BACH2: variants seen among roughly 807,000 people sequenced by gnomAD.
The protein encoded by BACH2 is transcription regulator protein BACH2.
BACH2 carries 5 observed loss-of-function variants against 61.8 expected under a neutral mutation model. That is an observed-to-expected ratio of 0.08 (90% CI 0.04 to 0.17). The LOEUF is 0.17. BACH2 is among the 10% of genes least tolerant of loss of function. The pLI is 1.00. For missense variants in BACH2, 824 were observed against 1,091.1 expected (o/e 0.76, Z 3.45); for synonymous variants, 446 against 440.1 (o/e 1.01, Z -0.17).
At chr6:90,024,096 C>T (rs776080850) in intron 5 of BACH2, among the ~76,000 whole-genome samples, 1 of 152,060 alleles carries the variant, frequency 6.6e-6, no homozygotes, top group Non-Finnish European at 1.5e-5. Context: ...TAAACATATT[C>T]CCACTTTAAG....
chr6:90,119,645 T>G (rs772335274), intron 4 of BACH2, among the ~76,000 whole-genome samples: 9 of 152,178 alleles, frequency 5.9e-5, no homozygotes, highest in Non-Finnish European at 8.8e-5. Flanking sequence ...CAGAATTTAA[T>G]ATTACCCAGT....
At chr6:90,134,519 G>C (rs1490830634) in intron 4 of BACH2, among the ~76,000 whole-genome samples, 6 of 152,200 alleles carry the variant, frequency 3.9e-5, no homozygotes, top group South Asian at 2.1e-4. Context: ...GCACCTGGTA[G>C]AGCTGGAATC....
chr6:90,235,375 G>T (rs1478204817), intron 3 of BACH2, among the ~76,000 whole-genome samples: 1 of 152,170 alleles, frequency 6.6e-6, no homozygotes, highest in Non-Finnish European at 1.5e-5. Context: ...ACATCACAGG[G>T]TTGTGAAGAT....
At chr6:89,984,212 G>C (rs1439711031) in intron 6 of BACH2, among the ~76,000 whole-genome samples, 1 of 152,026 alleles carries the variant, frequency 6.6e-6, no homozygotes, top group Non-Finnish European at 1.5e-5. Context: ...TTCTGTAGGA[G>C]AATATCTACA....
At chr6:90,295,288 A>T (rs1396157157) in intron 1 of BACH2, among the ~76,000 whole-genome samples, 1 of 152,020 alleles carries the variant, frequency 6.6e-6, no homozygotes, top group Non-Finnish European at 1.5e-5. Context: ...AAACTCGCCT[A>T]CGCGCGGGAG....
chr6:90,257,652 T>A (rs1771021966), intron 2 of BACH2, among the ~76,000 whole-genome samples: 1 of 152,224 alleles, frequency 6.6e-6, no homozygotes, highest in African/African-American at 2.4e-5. Flanking sequence ...TTACAATATA[T>A]CTGATGTACA....
At chr6:90,011,210 G>C (rs1014801216) in intron 5 of BACH2, among the ~76,000 whole-genome samples, 2 of 152,060 alleles carry the variant, frequency 1.3e-5, no homozygotes, top group African/African-American at 4.8e-5. Context: ...GGCCCATTTT[G>C]AGTTAATTTT....
intron 4 of BACH2, among the ~76,000 whole-genome samples, chr6:90,199,761 G>C (rs533074266): frequency 1.3e-5 from 2 of 152,102 alleles, no homozygotes; most frequent in African/African-American, 4.8e-5. Flanking sequence ...TTTCTTTTTG[G>C]CTTCACAAAC....
chr6:90,118,696 T>C (rs983884682), intron 4 of BACH2, among the ~76,000 whole-genome samples: 6 of 152,174 alleles, frequency 3.9e-5, no homozygotes, highest in African/African-American at 9.7e-5. Context: ...TTAAGAAAAG[T>C]TGACCATATT....
At chr6:90,196,071 T>C (rs888480751) in intron 4 of BACH2, among the ~76,000 whole-genome samples, 6 of 151,552 alleles carry the variant, frequency 4.0e-5, no homozygotes, top group African/African-American at 1.2e-4. Context: ...CCCAAGATCA[T>C]GAAGGTAGCG....
At chr6:90,296,105 A>G (rs1772365270) in intron 1 of BACH2, among the ~76,000 whole-genome samples, 1 of 151,874 alleles carries the variant, frequency 6.6e-6, no homozygotes, top group East Asian at 2.0e-4. Context: ...GCTCGCGCGG[A>G]CGCGCGCCTC....
intron 5 of BACH2, among the ~76,000 whole-genome samples, chr6:90,053,136 T>G (rs926350417): frequency 1.3e-5 from 2 of 152,208 alleles, no homozygotes; most frequent in Non-Finnish European, 2.9e-5. Context: ...ATTATCTCCT[T>G]CCTCATATAT....
Position 90,248,399 on chromosome 6 carries a change from C to T in BACH2, c.-275+4114G>A, listed in dbSNP as rs567438026. On this transcript the variant is annotated intron_variant, in intron 3 of 8. Coordinates refer to ENST00000257749, the MANE Select transcript of BACH2 (RefSeq NM_021813.4). ...TATTACATACAGCAGACAAAATAGC[C>T]GTGATCCCTAATGGGCTCATAGACT... 7.2e-5 allele frequency among the ~76,000 whole-genome samples: 11 copies of T among 152,146 alleles called. No individual in the cohort carries two copies. In the South Asian group the frequency reaches 8.3e-4, roughly 12 times the overall value.
chr6:89,965,142 C>G (rs1774986540), intron 6 of BACH2, among the ~76,000 whole-genome samples: 1 of 152,204 alleles, frequency 6.6e-6, no homozygotes, highest in Admixed American at 6.5e-5. Flanking sequence ...CCGCCTGGGC[C>G]TTCTGAAGTG....
intron 5 of BACH2, among the ~76,000 whole-genome samples, chr6:90,067,748 C>T (rs975310274): frequency 1.4e-4 from 22 of 152,118 alleles, no homozygotes; most frequent in Non-Finnish European, 2.9e-5. Flanking sequence ...TGGTGGTAAT[C>T]GGCTGTGCAC....
chr6:89,944,505 A>T (rs1261847402), intron 7 of BACH2, among the ~76,000 whole-genome samples: 2 of 152,240 alleles, frequency 1.3e-5, no homozygotes, highest in Non-Finnish European at 2.9e-5. Context: ...AAGCAGACCA[A>T]TTACAGACAC....
chr6:90,193,023 T>C (rs1050833090), intron 4 of BACH2, among the ~76,000 whole-genome samples: 20 of 152,212 alleles, frequency 1.3e-4, no homozygotes, highest in African/African-American at 4.8e-4. Flanking sequence ...GCACAATCAC[T>C]ATTCAGCACG....
chr6:90,296,187 T>G, intron 1 of BACH2, among the ~76,000 whole-genome samples: 1 of 152,034 alleles, frequency 6.6e-6, no homozygotes. Context: ...CAAAACACCC[T>G]TCGACGCCAG....
chr6:89,991,698 A>T (rs962239569), intron 6 of BACH2, among the ~76,000 whole-genome samples: 1 of 152,132 alleles, frequency 6.6e-6, no homozygotes, highest in Non-Finnish European at 1.5e-5. Context: ...AAGTGCTCCA[A>T]GGATGTCCTT....
Sources: allele counts gnomAD v4.1 joint callset (sites outside exome capture counted in the v4.1 genomes callset), GRCh38; gene constraint gnomAD v4.1.1; transcripts MANE v1.5; gene names NCBI Gene and HGNC (gene_info 2026-07-23, HGNC 2026-07-21).